The following KIRREL3 variants were observed in gnomAD, a reference collection of about 807,000 sequenced individuals.
KIRREL3 encodes kirre like nephrin family adhesion molecule 3.
A neutral mutation model predicts 89.7 loss-of-function variants in KIRREL3; 36 were observed. The observed-to-expected ratio is 0.40, with a 90% CI of 0.31 to 0.53. KIRREL3 has a LOEUF of 0.53. Ranked by LOEUF, KIRREL3 falls within the 20% of genes least tolerant of loss-of-function variation. The pLI, the probability that KIRREL3 is intolerant of heterozygous loss-of-function variation, is 0.49. For synonymous variants in KIRREL3, 445 were observed against 441.4 expected, an observed-to-expected ratio of 1.01 and a Z score of -0.10; for missense variants, 864 against 1,056.6, an observed-to-expected ratio of 0.82 and a Z score of 2.53.
chr11:126,915,505 T>C (rs1947002304), intron 1 of KIRREL3, among the ~76,000 whole-genome samples: 1 of 152,190 alleles, frequency 6.6e-6, no homozygotes, highest in Admixed American at 6.5e-5. Flanking sequence ...AGAGACGTGG[T>C]CAACTGTGAT....
chr11:126,693,146 C>T (rs1447107189), intron 1 of KIRREL3, among the ~76,000 whole-genome samples: 2 of 152,364 alleles, frequency 1.3e-5, no homozygotes, highest in African/African-American at 4.8e-5. Flanking sequence ...GGGCCAGGCA[C>T]TGTGGCTCAC....
rs1955022010 is a variant in KIRREL3, at chr11:126,428,609, T to C, written c.1806+570A>G. On this transcript the variant is annotated intron_variant, in intron 15 of 16. Transcript: ENST00000525144. The surrounding 1 kb of genome is among the most constrained non-coding windows in gnomAD (Gnocchi z 6.4). ...AATTTATGCATATGTCTTTTCTCCT[T>C]ACTGAAGAGCCAGGCTCTCTGAAGG... 6.6e-6 allele frequency among the ~76,000 whole-genome samples: 1 copy of C among 152,142 alleles called. No homozygotes were observed. Among genetic ancestry groups the C allele is most frequent in the Non-Finnish European group, 1.5e-5 (1 of 68,032 alleles).
intron 7 of KIRREL3, 128 bp from the exon 8 acceptor site, chr11:126,449,285 C>T (rs777349238): frequency 2.5e-5 from 25 of 986,418 alleles, no homozygotes; most frequent in Middle Eastern, 3.4e-4. Context: ...CTCTGGGGTC[C>T]GTCAAGGGGA....
intron 1 of KIRREL3, among the ~76,000 whole-genome samples, chr11:126,934,544 A>C (rs1385186368): frequency 6.6e-6 from 1 of 152,202 alleles, no homozygotes; most frequent in Non-Finnish European, 1.5e-5. Flanking sequence ...CATGAATCAT[A>C]TACTTGATAA....
intron 1 of KIRREL3, among the ~76,000 whole-genome samples, chr11:126,822,061 T>C (rs939066790): frequency 1.3e-5 from 2 of 152,174 alleles, no homozygotes; most frequent in African/African-American, 4.8e-5. Context: ...GGGAAGCAAA[T>C]GCAGAGTTAA....
At chr11:126,440,186 G>A (rs1013207381) in intron 11 of KIRREL3, 1 of 676,798 alleles carries the variant, frequency 1.5e-6, no homozygotes, top group Non-Finnish European at 2.7e-6. Context: ...CTGCCCTTAG[G>A]ATGCGGAATT....
intron 4 of KIRREL3, among the ~76,000 whole-genome samples, chr11:126,480,799 G>A (rs919659484): frequency 6.6e-6 from 1 of 152,214 alleles, no homozygotes; most frequent in South Asian, 2.1e-4. Context: ...CTAAGGGAAC[G>A]GACGAATGTT....
At chr11:126,690,612 C>T (rs1271137727) in intron 1 of KIRREL3, among the ~76,000 whole-genome samples, 1 of 152,158 alleles carries the variant, frequency 6.6e-6, no homozygotes, top group African/African-American at 2.4e-5. Flanking sequence ...GAGTTTTTGT[C>T]ACTGTGAACA....
intron 1 of KIRREL3, among the ~76,000 whole-genome samples, chr11:126,950,010 A>C (rs1206451686): frequency 6.6e-6 from 1 of 152,240 alleles, no homozygotes; most frequent in Non-Finnish European, 1.5e-5. Context: ...AAGACATTTG[A>C]CCACTATTTT....
intron 1 of KIRREL3, among the ~76,000 whole-genome samples, chr11:126,632,207 C>A (rs12575814): frequency 0.12 from 18,710 of 152,256 alleles, 1,299 homozygotes; most frequent in East Asian, 0.32. Context: ...AGATATAAGG[C>A]AATGCCTATG....
At chr11:126,625,547 T>G (rs1437754050) in intron 1 of KIRREL3, among the ~76,000 whole-genome samples, 1 of 152,172 alleles carries the variant, frequency 6.6e-6, no homozygotes, top group Non-Finnish European at 1.5e-5. Flanking sequence ...CTCCCTAGCA[T>G]GAAGACTTCC....
chr11:126,711,180 T>G (rs1431929899), intron 1 of KIRREL3, among the ~76,000 whole-genome samples: 1 of 152,228 alleles, frequency 6.6e-6, no homozygotes, highest in East Asian at 1.9e-4. Flanking sequence ...TTTTTATGGA[T>G]CCAGTGGGTG....
rs1946190313 is a variant in KIRREL3 at position 126,897,049 on chromosome 11, C to G, written c.55+103406G>C. Among the ~76,000 whole-genome samples the G allele has an allele frequency of 6.6e-6, 1 of 152,170 alleles. No individual in the cohort carries two copies. The highest frequency in any genetic ancestry group is 2.4e-5 in the African/African-American group (1 of 41,450). ...TCCCTAGTAGGCAGCCTTCTCCTCTCTCTTCCCTGCTCTTCCTCTTATCCA... is the reference window on the plus strand; with the variant it reads ...TCCCTAGTAGGCAGCCTTCTCCTCTGTCTTCCCTGCTCTTCCTCTTATCCA... On this transcript the variant is annotated intron_variant, in intron 1 of 16. Coordinates refer to ENST00000525144, the MANE Select transcript of KIRREL3 (RefSeq NM_032531.4). This position sits in a 1 kb window ranked among gnomAD's most constrained non-coding sequence, Gnocchi z 4.2.
intron 1 of KIRREL3, among the ~76,000 whole-genome samples, chr11:126,861,340 G>C (rs959920658): frequency 1.3e-5 from 2 of 152,138 alleles, no homozygotes; most frequent in African/African-American, 4.8e-5. Context: ...CCTGAACTCA[G>C]GAATCAAGAC....
At chr11:126,842,810 TC>T (rs1173539487) in intron 1 of KIRREL3, among the ~76,000 whole-genome samples, 1 of 152,212 alleles carries the variant, frequency 6.6e-6, no homozygotes, top group Non-Finnish European at 1.5e-5. Context: ...ATGGCCAATG[TC>T]CCTTTGAGCC....
At position 126,476,228 on chromosome 11, in the gene KIRREL3, G is replaced by A. The variant is rs935779398; in HGVS notation, c.434-2762C>T. ...AACCTCACTGCGGGCCACACCCTGA[G>A]CAGCCAAGTCCCAGTCTCTGGAGGG... On this transcript the variant is annotated intron_variant, in intron 4 of 16. Transcript: ENST00000525144. This position sits in a 1 kb window ranked among gnomAD's most constrained non-coding sequence, Gnocchi z 6.4. Among the ~76,000 whole-genome samples the A allele has an allele frequency of 6.6e-6, 1 of 152,200 alleles. No homozygotes were observed. Among genetic ancestry groups the A allele is most frequent in the African/African-American group, 2.4e-5 (1 of 41,448 alleles).
Position 126,978,064 on chromosome 11 carries a change from C to A in KIRREL3, c.55+22391G>T, listed in dbSNP as rs899868405. ...CCTCCTTCTCCAGCACGGCAGCCCA[C>A]CAAAAGTGCCTCCTTCCAAGCCTGT... is the stretch of plus-strand genomic sequence containing the variant. On this transcript the variant is annotated intron_variant, in intron 1 of 16. Transcript: ENST00000525144. This position sits in a 1 kb window ranked among gnomAD's most constrained non-coding sequence, Gnocchi z 4.2. Among the ~76,000 whole-genome samples, 2 of 152,172 alleles carry A rather than the reference C, an allele frequency of 1.3e-5. No homozygotes were observed. The highest frequency in any genetic ancestry group is 2.9e-5 in the Non-Finnish European group (2 of 68,028).
In KIRREL3 at chr11:126,431,281, C is replaced by G; in HGVS notation, c.1696+138G>C. On this transcript the variant is annotated intron_variant, in intron 14 of 16. Transcript: ENST00000525144. The surrounding 1 kb of genome is among the most constrained non-coding windows in gnomAD (Gnocchi z 7.1). ...GCTCACATACACCGATGCATCAGAC[C>G]CACTCCCTGCCCCAGGAGCTCACAG... 6.5e-7 allele frequency: 1 copy of G among 1,549,638 alleles called. No homozygotes were observed. Among genetic ancestry groups the G allele is most frequent in the South Asian group, 1.2e-5 (1 of 83,998 alleles).
rs1947417479 is a variant in KIRREL3 at position 126,703,966 on chromosome 11, A to AAG, written c.56-141055_56-141054insCT. ...AGGAAGAAGAAATGGAATTTCTGTC[A>AAG]GATTGCTTGAACTCACTCTCTGGAA... On this transcript the variant is annotated intron_variant, in intron 1 of 16. Transcript: ENST00000525144. This position sits in a 1 kb window ranked among gnomAD's most constrained non-coding sequence, Gnocchi z 4.6. 6.6e-6 allele frequency among the ~76,000 whole-genome samples: 1 copy of AAG among 152,116 alleles called. No individual in the cohort carries two copies. The highest frequency in any genetic ancestry group is 1.5e-5 in the Non-Finnish European group (1 of 68,028).
Sources: allele counts gnomAD v4.1 joint callset (sites outside exome capture counted in the v4.1 genomes callset), GRCh38; gene constraint gnomAD v4.1.1; non-coding constraint Gnocchi (gnomAD v3.1); transcripts MANE v1.5; gene names NCBI Gene and HGNC (gene_info 2026-07-23, HGNC 2026-07-21).